Variants in CRTAC1 observed in about 807,000 individuals in gnomAD.
CRTAC1 encodes the protein acidic secreted protein in cartilage.
Under a neutral mutation model 67.8 loss-of-function variants are expected in CRTAC1, and 37 were observed. That is an observed-to-expected ratio of 0.55 (90% CI 0.42 to 0.72). CRTAC1 has a LOEUF of 0.72. CRTAC1 is among the 30% of genes least tolerant of loss of function. The pLI, the probability that CRTAC1 is intolerant of heterozygous loss-of-function variation, is 0.00. For missense variants in CRTAC1, 780 were observed against 931.6 expected (o/e 0.84, Z 2.12); for synonymous variants, 348 against 371.0 (o/e 0.94, Z 0.71).
intron 1 of CRTAC1, among the ~76,000 whole-genome samples, chr10:98,025,721 A>G (rs955874508): frequency 2.0e-5 from 3 of 152,212 alleles, no homozygotes; most frequent in Admixed American, 2.0e-4. Context: ...CTGGCCTGGA[A>G]GCCTGTATCT....
At chr10:97,915,589 T>C (rs1385027629) in intron 5 of CRTAC1, among the ~76,000 whole-genome samples, 1 of 151,570 alleles carries the variant, frequency 6.6e-6, no homozygotes, top group East Asian at 2.0e-4. Flanking sequence ...GGGCTCAGCA[T>C]GGCGGCCCTT....
chr10:97,929,974 G>C (rs931511541), intron 3 of CRTAC1, among the ~76,000 whole-genome samples: 7 of 152,146 alleles, frequency 4.6e-5, no homozygotes, highest in African/African-American at 1.4e-4. Context: ...GGCTGTGCTG[G>C]GTCCCTGATG....
At chr10:97,968,327 C>T (rs143707641) in intron 2 of CRTAC1, among the ~76,000 whole-genome samples, 1 of 152,278 alleles carries the variant, frequency 6.6e-6, no homozygotes, top group African/African-American at 2.4e-5. Flanking sequence ...ACTGCAACCT[C>T]CACCTCCCAG....
At chr10:97,973,038 G>T (rs150709409) in intron 2 of CRTAC1, among the ~76,000 whole-genome samples, 17 of 152,318 alleles carry the variant, frequency 1.1e-4, no homozygotes, top group African/African-American at 4.1e-4. Flanking sequence ...TGTCTTAGAT[G>T]TAACGAAACA....
At chr10:97,928,732 C>A (rs1029381634) in intron 3 of CRTAC1, among the ~76,000 whole-genome samples, 8 of 152,196 alleles carry the variant, frequency 5.3e-5, no homozygotes, top group South Asian at 4.2e-4. Flanking sequence ...GTCAGAGTAA[C>A]AACAGCAATG....
intron 6 of CRTAC1, among the ~76,000 whole-genome samples, 173 bp from the exon 7 acceptor site, chr10:97,904,987 G>A (rs2050591566): frequency 6.6e-6 from 1 of 152,172 alleles, no homozygotes; most frequent in Non-Finnish European, 1.5e-5. Context: ...GGGGCAGGAA[G>A]TGGGACAGTC....
chr10:97,899,445 G>T (rs2050503671), intron 8 of CRTAC1, among the ~76,000 whole-genome samples: 1 of 152,184 alleles, frequency 6.6e-6, no homozygotes. Flanking sequence ...GGATGGGCAG[G>T]CAGACAGAGA....
chr10:97,876,015 T>G (rs529185319), intron 14 of CRTAC1: 8 of 152,322 alleles, frequency 5.3e-5, no homozygotes, highest in African/African-American at 1.9e-4. Flanking sequence ...CACTGCCACC[T>G]CTTCTTGCAG....
intron 1 of CRTAC1, among the ~76,000 whole-genome samples, chr10:98,023,210 C>G (rs966355921): frequency 1.3e-5 from 2 of 152,170 alleles, no homozygotes; most frequent in Non-Finnish European, 2.9e-5. Context: ...AGGCTCAGAG[C>G]CAGCCACCAT....
At chr10:97,962,412 T>C (rs753006908) in intron 2 of CRTAC1, among the ~76,000 whole-genome samples, 13 of 152,232 alleles carry the variant, frequency 8.5e-5, no homozygotes, top group Middle Eastern at 3.2e-3. Context: ...CACAGCCTTA[T>C]TCCTCCCTTG....
intron 2 of CRTAC1, among the ~76,000 whole-genome samples, chr10:97,938,938 T>C (rs1245404160): frequency 6.6e-6 from 1 of 152,196 alleles, no homozygotes; most frequent in African/African-American, 2.4e-5. Context: ...CGTTCCACAG[T>C]ATGTTGTTTG....
At chr10:97,993,935 C>T (rs1156367761) in intron 2 of CRTAC1, among the ~76,000 whole-genome samples, 2 of 152,150 alleles carry the variant, frequency 1.3e-5, no homozygotes, top group African/African-American at 2.4e-5. Context: ...TGGCTCACTG[C>T]AACCTCCACC....
rs1366153239 is a variant in CRTAC1, at chr10:97,865,496, C to G, written c.*52G>C. 11 of 1,558,908 alleles carry G rather than the reference C, an allele frequency of 7.1e-6. No individual in the cohort carries two copies. In the South Asian group the frequency reaches 1.3e-4, roughly 19 times the overall value. On this transcript the variant is annotated 3_prime_UTR_variant, in exon 15 of 15. Transcript: ENST00000370597. ...CTGTCTAGGCAGCAGCACAAGCCCA[C>G]TTTCCCACTCCCCTGCTGGACTCCA... is the stretch of plus-strand genomic sequence containing the variant.
intron 2 of CRTAC1, among the ~76,000 whole-genome samples, chr10:97,971,817 A>G (rs1259651362): frequency 6.6e-6 from 1 of 152,168 alleles, no homozygotes; most frequent in African/African-American, 2.4e-5. Flanking sequence ...CACCATATCA[A>G]TGTTTGGCTT....
chr10:97,929,878 C>A (rs565357744), intron 3 of CRTAC1, among the ~76,000 whole-genome samples: 1 of 152,182 alleles, frequency 6.6e-6, no homozygotes, highest in Non-Finnish European at 1.5e-5. Flanking sequence ...TATAAGACTT[C>A]GTCAATGGAA....
chr10:97,976,977 G>A (rs2051815720), intron 2 of CRTAC1, among the ~76,000 whole-genome samples: 1 of 152,178 alleles, frequency 6.6e-6, no homozygotes, highest in Non-Finnish European at 1.5e-5. Context: ...GGATCATCTT[G>A]TCCAAAGGTG....
chr10:98,006,276 C>T (rs931371765), intron 2 of CRTAC1, among the ~76,000 whole-genome samples: 4 of 152,172 alleles, frequency 2.6e-5, no homozygotes, highest in African/African-American at 9.7e-5. Context: ...ACTGAAAAAA[C>T]AGTCCTGAAG....
intron 2 of CRTAC1, among the ~76,000 whole-genome samples, chr10:97,955,132 G>A (rs1263678392): frequency 2.0e-5 from 3 of 152,158 alleles, no homozygotes; most frequent in Admixed American, 6.5e-5. Context: ...ACTCTGCAAG[G>A]ACAATGTTTG....
Position 98,003,887 on chromosome 10 carries a change from G to C in CRTAC1, c.224+7251C>G, listed in dbSNP as rs185744400. Among the ~76,000 whole-genome samples, 386 of 152,286 alleles carry C rather than the reference G, an allele frequency of 2.5e-3. 1 individual carries two copies. The highest frequency in any genetic ancestry group is 9.0e-3 in the African/African-American group (372 of 41,546). Reference sequence around the variant, plus strand: ...GTATGTAATTTGGGGTGAGGGGGTGGAAGTGGAATTCTGCCCATTGCTCCT... The same window carrying C: ...GTATGTAATTTGGGGTGAGGGGGTGCAAGTGGAATTCTGCCCATTGCTCCT... On this transcript the variant is annotated intron_variant, in intron 2 of 14. Coordinates refer to ENST00000370597, the MANE Select transcript of CRTAC1 (RefSeq NM_018058.7).
Sources: allele counts gnomAD v4.1 joint callset (sites outside exome capture counted in the v4.1 genomes callset), GRCh38; gene constraint gnomAD v4.1.1; transcripts MANE v1.5; gene names NCBI Gene and HGNC (gene_info 2026-07-23, HGNC 2026-07-21).